NCAM2: variants seen among roughly 807,000 people sequenced by gnomAD.
NCAM2 encodes the protein N-CAM-2.
NCAM2 carries 30 observed loss-of-function variants against 98.1 expected under a neutral mutation model. That is an observed-to-expected ratio of 0.31 (90% CI 0.23 to 0.41). The LOEUF is 0.41. Ranked by LOEUF, NCAM2 falls within the 10% of genes least tolerant of loss-of-function variation. NCAM2 has a pLI of 1.00. For missense variants in NCAM2, 867 were observed against 1,005.8 expected (o/e 0.86, Z 1.87); for synonymous variants, 368 against 342.4 (o/e 1.07, Z -0.83).
At chr21:21,511,136 TC>T (rs922055870) in intron 16 of NCAM2, among the ~76,000 whole-genome samples, 1 of 152,026 alleles carries the variant, frequency 6.6e-6, no homozygotes, top group African/African-American at 2.4e-5. Flanking sequence ...CCAATTCTCC[TC>T]CTTTAGTTAT....
chr21:21,015,561 G>C lies in NCAM2; in HGVS notation c.55+16943G>C, dbSNP rs573129374. Among the ~76,000 whole-genome samples, 6 of 152,192 alleles carry C rather than the reference G, an allele frequency of 3.9e-5. No homozygotes were observed. The East Asian group carries it at 9.6e-4, about 24-fold the overall frequency. On this transcript the variant is annotated intron_variant, in intron 1 of 17. Transcript: ENST00000400546. ...ATTCTGTTGCACACTTAATAGACTAGTATAAATACAACTTTTACATGCCCT... is the reference window on the plus strand; with the variant it reads ...ATTCTGTTGCACACTTAATAGACTACTATAAATACAACTTTTACATGCCCT...
chr21:21,403,480 C>A (rs1440803038), intron 9 of NCAM2, among the ~76,000 whole-genome samples: 1 of 152,166 alleles, frequency 6.6e-6, no homozygotes, highest in Non-Finnish European at 1.5e-5. Flanking sequence ...TTGAGACATT[C>A]ATCTTTTTCC....
intron 1 of NCAM2, among the ~76,000 whole-genome samples, chr21:21,002,838 T>G (rs2064044107): frequency 6.6e-6 from 1 of 152,172 alleles, no homozygotes; most frequent in Non-Finnish European, 1.5e-5. Context: ...TGTCCTAAAT[T>G]TTAAATTTAT....
At chr21:21,503,614 A>C (rs142269846) in intron 15 of NCAM2, among the ~76,000 whole-genome samples, 1 of 151,996 alleles carries the variant, frequency 6.6e-6, no homozygotes, top group Non-Finnish European at 1.5e-5. Flanking sequence ...GCAGAATGCA[A>C]AACTGGATGA....
chr21:21,402,123 C>T (rs1288367974), intron 9 of NCAM2, among the ~76,000 whole-genome samples: 4 of 152,014 alleles, frequency 2.6e-5, no homozygotes, highest in Admixed American at 6.6e-5. Flanking sequence ...AGAATAACAG[C>T]GATTTTAGGG....
chr21:21,335,806 G>A, intron 7 of NCAM2, 141 bp downstream of exon 7: 1 of 791,592 alleles, frequency 1.3e-6, no homozygotes, highest in Non-Finnish European at 1.7e-6. Flanking sequence ...TTAAATTTCA[G>A]CTACCAGATA....
At position 21,537,743 on chromosome 21, in the gene NCAM2, A is replaced by T. The variant is rs1990058478; in HGVS notation, c.2403-103A>T. 3 of 518,356 alleles carry T rather than the reference A, an allele frequency of 5.8e-6. No homozygotes were observed. The African/African-American group carries it at 5.9e-5, about 10-fold the overall frequency. 32.1% of individuals were successfully genotyped at this position (518,356 alleles called of 1,614,324 possible). A position where few individuals can be genotyped will look rare whatever the true frequency, so the allele number is the denominator to read the frequency against. On this transcript the variant is annotated intron_variant, in intron 17 of 17. Coordinates refer to ENST00000400546, the MANE Select transcript of NCAM2 (RefSeq NM_004540.5). ...TATTTAGCATATATAAAATGTTAGCATATTATTGGAGCATATTTTCCTTAC... is the reference window on the plus strand; with the variant it reads ...TATTTAGCATATATAAAATGTTAGCTTATTATTGGAGCATATTTTCCTTAC...
intron 1 of NCAM2, among the ~76,000 whole-genome samples, chr21:21,115,215 A>T (rs2066530349): frequency 1.3e-5 from 2 of 152,108 alleles, no homozygotes. Flanking sequence ...TTGCTTGGGG[A>T]TATGTTTACT....
At chr21:21,508,429 G>C (rs1348135501) in intron 15 of NCAM2, among the ~76,000 whole-genome samples, 1 of 151,938 alleles carries the variant, frequency 6.6e-6, no homozygotes, top group Non-Finnish European at 1.5e-5. Context: ...ACTTTTCACA[G>C]AAGTTTTGAT....
At chr21:21,147,798 A>G (rs2067328174) in intron 1 of NCAM2, among the ~76,000 whole-genome samples, 1 of 102,146 alleles carries the variant, frequency 9.8e-6, no homozygotes, top group Non-Finnish European at 2.3e-5. Flanking sequence ...ATATAAATTT[A>G]TTGAATATAT....
chr21:21,088,075 A>G (rs192098642), intron 1 of NCAM2, among the ~76,000 whole-genome samples: 2 of 152,250 alleles, frequency 1.3e-5, no homozygotes, highest in African/African-American at 4.8e-5. Context: ...GTAATTGCAT[A>G]TGGCTAGTAT....
intron 1 of NCAM2, among the ~76,000 whole-genome samples, chr21:21,204,482 G>T (rs1337436103): frequency 6.6e-6 from 1 of 151,962 alleles, no homozygotes; most frequent in Non-Finnish European, 1.5e-5. Flanking sequence ...TATTTGTTTT[G>T]TTCGCTGTTT....
chr21:21,325,395 A>C (rs2074486893), intron 6 of NCAM2, among the ~76,000 whole-genome samples: 1 of 152,192 alleles, frequency 6.6e-6, no homozygotes, highest in Non-Finnish European at 1.5e-5. Context: ...TTGAGCATGT[A>C]CTGATATTAC....
chr21:21,142,092 T>C (rs562972323), intron 1 of NCAM2, among the ~76,000 whole-genome samples: 2 of 152,328 alleles, frequency 1.3e-5, no homozygotes, highest in East Asian at 3.9e-4. Context: ...TCTTCTGGTT[T>C]ATAACACTGG....
At chr21:21,072,553 G>A (rs970848975) in intron 1 of NCAM2, among the ~76,000 whole-genome samples, 1 of 152,068 alleles carries the variant, frequency 6.6e-6, no homozygotes. Context: ...TAGAGGACCA[G>A]ATAAATAAAT....
At chr21:21,153,358 A>G (rs991903973) in intron 1 of NCAM2, among the ~76,000 whole-genome samples, 4 of 151,512 alleles carry the variant, frequency 2.6e-5, no homozygotes, top group African/African-American at 9.7e-5. Flanking sequence ...ATATGCTGTC[A>G]GTATTCTGTG....
chr21:21,378,291 T>A (rs1352163240), intron 9 of NCAM2, among the ~76,000 whole-genome samples: 1 of 152,012 alleles, frequency 6.6e-6, no homozygotes, highest in African/African-American at 2.4e-5. Flanking sequence ...GCCATGCCAA[T>A]TTACATTCCC....
intron 5 of NCAM2, among the ~76,000 whole-genome samples, chr21:21,304,302 G>A (rs1736710513): frequency 7.0e-6 from 1 of 142,196 alleles, no homozygotes; most frequent in South Asian, 2.4e-4. Context: ...TGACAAATTG[G>A]CGAAAGGTTT....
At chr21:21,513,640 A>G (rs1988529425) in intron 16 of NCAM2, among the ~76,000 whole-genome samples, 1 of 152,106 alleles carries the variant, frequency 6.6e-6, no homozygotes, top group South Asian at 2.1e-4. Flanking sequence ...AGAATGTTTC[A>G]TGTGCTGAGG....
Sources: allele counts gnomAD v4.1 joint callset (sites outside exome capture counted in the v4.1 genomes callset), GRCh38; gene constraint gnomAD v4.1.1; transcripts MANE v1.5; gene names NCBI Gene and HGNC (gene_info 2026-07-23, HGNC 2026-07-21).